Variants in CDKAL1 observed in about 807,000 individuals in gnomAD.
CDKAL1 encodes CDKAL1 threonylcarbamoyladenosine tRNA methylthiotransferase.
In CDKAL1, 32 loss-of-function variants were observed where a neutral mutation model predicts 68.2. The observed-to-expected ratio is 0.47, with a 90% CI of 0.35 to 0.63. The LOEUF is 0.63. Ranked by LOEUF, CDKAL1 falls within the 30% of genes least tolerant of loss-of-function variation. The probability of loss-of-function intolerance (pLI) is 0.00; values close to 1 mark genes in which losing one functional copy is unlikely to be tolerated. For missense variants in CDKAL1, 606 were observed against 696.7 expected (o/e 0.87, Z 1.47); for synonymous variants, 234 against 244.3 (o/e 0.96, Z 0.39).
intron 4 of CDKAL1, among the ~76,000 whole-genome samples, chr6:20,585,299 G>A (rs546142808): frequency 3.9e-5 from 6 of 152,124 alleles, no homozygotes; most frequent in East Asian, 1.9e-4. Flanking sequence ...TGATCCGCCC[G>A]CCTTGGCCTC....
At chr6:20,764,931 A>G (rs1774627587) in intron 7 of CDKAL1, among the ~76,000 whole-genome samples, 1 of 152,178 alleles carries the variant, frequency 6.6e-6, no homozygotes. Context: ...GGATTGCCTT[A>G]CATGTTAGGA....
At chr6:20,851,791 G>A (rs1759027809) in intron 9 of CDKAL1, among the ~76,000 whole-genome samples, 1 of 151,374 alleles carries the variant, frequency 6.6e-6, no homozygotes, top group African/African-American at 2.4e-5. Context: ...ATTATGAAAT[G>A]CAACTGTAGT....
chr6:21,025,624 C>T (rs747556636), intron 11 of CDKAL1, among the ~76,000 whole-genome samples: 1 of 152,042 alleles, frequency 6.6e-6, no homozygotes, highest in African/African-American at 2.4e-5. Context: ...CTATTATTTT[C>T]TCCAGGCCCT....
chr6:20,661,262 T>G (rs1037659111), intron 5 of CDKAL1, among the ~76,000 whole-genome samples: 4 of 152,206 alleles, frequency 2.6e-5, no homozygotes, highest in Non-Finnish European at 4.4e-5. Flanking sequence ...ATTCATCTTA[T>G]GTCACAGTTT....
intron 8 of CDKAL1, among the ~76,000 whole-genome samples, chr6:20,788,032 C>T (rs994527545): frequency 6.6e-6 from 1 of 152,168 alleles, no homozygotes; most frequent in Non-Finnish European, 1.5e-5. Context: ...TTAACTGAGA[C>T]CCTATTTCGA....
At chr6:20,794,233 C>CT (rs895091362) in intron 8 of CDKAL1, among the ~76,000 whole-genome samples, 1 of 151,926 alleles carries the variant, frequency 6.6e-6, no homozygotes, top group African/African-American at 2.4e-5. Flanking sequence ...TTAAAAGCCT[C>CT]TTTTTTTGGT....
At chr6:20,967,461 A>G (rs1765374553) in intron 10 of CDKAL1, among the ~76,000 whole-genome samples, 1 of 152,142 alleles carries the variant, frequency 6.6e-6, no homozygotes, top group Non-Finnish European at 1.5e-5. Context: ...ATTTTGATCA[A>G]TATTAACTTA....
intron 8 of CDKAL1, among the ~76,000 whole-genome samples, chr6:20,799,583 C>T (rs991848844): frequency 1.3e-5 from 2 of 152,114 alleles, no homozygotes; most frequent in Non-Finnish European, 2.9e-5. Flanking sequence ...TATGATTTTC[C>T]ATTAGAGGAA....
At chr6:20,769,790 A>G (rs1326330676) in intron 7 of CDKAL1, among the ~76,000 whole-genome samples, 1 of 152,048 alleles carries the variant, frequency 6.6e-6, no homozygotes, top group Non-Finnish European at 1.5e-5. Flanking sequence ...TACCATTTTC[A>G]TATACATTAA....
chr6:20,761,650 G>A (rs1774472634), intron 7 of CDKAL1, among the ~76,000 whole-genome samples: 1 of 152,166 alleles, frequency 6.6e-6, no homozygotes, highest in Non-Finnish European at 1.5e-5. Context: ...ATACTATGAT[G>A]TGAAAGACAT....
At chr6:20,543,164 A>G (rs989908420) in intron 2 of CDKAL1, among the ~76,000 whole-genome samples, 1 of 152,164 alleles carries the variant, frequency 6.6e-6, no homozygotes, top group African/African-American at 2.4e-5. Context: ...ACAAGTCTTT[A>G]TTTCTCTTGG....
intron 11 of CDKAL1, among the ~76,000 whole-genome samples, chr6:21,049,759 G>A (rs1770438380): frequency 6.6e-6 from 1 of 151,272 alleles, no homozygotes; most frequent in Non-Finnish European, 1.5e-5. Context: ...ACCAGGCTTA[G>A]AAATGTAATG....
intron 4 of CDKAL1, among the ~76,000 whole-genome samples, chr6:20,586,978 GTTTTTTTTTTTTTTTT>G (rs750210435): frequency 2.2e-5 from 1 of 44,452 alleles, no homozygotes; most frequent in African/African-American, 9.5e-5. Flanking sequence ...TCCTCCAGGT[GTTTTTTTTTTTTTTTT>G]TTTTTTTTTG....
At chr6:21,101,846 T>C (rs1258970595) in intron 12 of CDKAL1, among the ~76,000 whole-genome samples, 1 of 152,176 alleles carries the variant, frequency 6.6e-6, no homozygotes, top group East Asian at 1.9e-4. Flanking sequence ...TCCCTCTCTG[T>C]ACTCCTATCT....
intron 14 of CDKAL1, among the ~76,000 whole-genome samples, chr6:21,200,231 A>C (rs569724975): frequency 5.3e-5 from 8 of 152,350 alleles, no homozygotes; most frequent in Middle Eastern, 3.4e-3. Flanking sequence ...TGAAGTAAAC[A>C]AGTACTTTTA....
chr6:20,847,359 T>A (rs183128128), intron 9 of CDKAL1, among the ~76,000 whole-genome samples: 5 of 152,246 alleles, frequency 3.3e-5, no homozygotes, highest in African/African-American at 1.2e-4. Context: ...GGAGAAAAAA[T>A]TTTCCCAGAA....
At chr6:21,228,651 C>A (rs1306179945) in intron 15 of CDKAL1, among the ~76,000 whole-genome samples, 1 of 152,154 alleles carries the variant, frequency 6.6e-6, no homozygotes, top group Non-Finnish European at 1.5e-5. Context: ...TAAACACTTA[C>A]TGAGTACCTG....
chr6:20,847,878 A>T (rs1351238297), intron 9 of CDKAL1, among the ~76,000 whole-genome samples: 1 of 152,236 alleles, frequency 6.6e-6, no homozygotes, highest in Non-Finnish European at 1.5e-5. Context: ...TTTATTGAGA[A>T]TGAAAATACA....
chr6:20,862,937 G>A (rs895395421), intron 9 of CDKAL1, among the ~76,000 whole-genome samples: 1 of 152,254 alleles, frequency 6.6e-6, no homozygotes, highest in Admixed American at 6.5e-5. Context: ...TGAGGCAGGA[G>A]AATCACTTGA....
Sources: allele counts gnomAD v4.1 joint callset (sites outside exome capture counted in the v4.1 genomes callset), GRCh38; gene constraint gnomAD v4.1.1; transcripts MANE v1.5; gene names NCBI Gene and HGNC (gene_info 2026-07-23, HGNC 2026-07-21).